The following RASGRP1 variants were observed in gnomAD, a reference collection of about 807,000 sequenced individuals.
The protein encoded by RASGRP1 is RAS guanyl releasing protein 1.
Under a neutral mutation model 95.1 loss-of-function variants are expected in RASGRP1, and 37 were observed. The ratio of observed to expected loss-of-function variants is 0.39; its 90% CI spans 0.30 to 0.51. RASGRP1 has a LOEUF of 0.51. RASGRP1 is among the 20% of genes least tolerant of loss of function. The pLI is 0.80. For missense variants in RASGRP1, 711 were observed against 965.4 expected, an observed-to-expected ratio of 0.74 and a Z score of 3.49; for synonymous variants, 325 against 353.4, an observed-to-expected ratio of 0.92 and a Z score of 0.90.
At chr15:38,506,077 T>C (rs181059505) in intron 9 of RASGRP1, among the ~76,000 whole-genome samples, 157 bp from the exon 10 acceptor site, 45 of 152,302 alleles carry the variant, frequency 3.0e-4, no homozygotes, top group African/African-American at 9.6e-4. Flanking sequence ...ACACCTACTA[T>C]TGCAATAGGG....
intron 9 of RASGRP1, among the ~76,000 whole-genome samples, chr15:38,506,536 G>C (rs572262586): frequency 1.3e-5 from 2 of 151,350 alleles, no homozygotes; most frequent in Admixed American, 1.3e-4. Flanking sequence ...TCAGGAGGCT[G>C]AGGTGGGAGG....
intron 3 of RASGRP1, among the ~76,000 whole-genome samples, chr15:38,521,022 C>T (rs942557699): frequency 5.9e-5 from 9 of 152,142 alleles, no homozygotes; most frequent in Non-Finnish European, 4.4e-5. Context: ...AAAAACCCTA[C>T]ACATCAACAA....
Position 38,503,267 on chromosome 15 carries a change from C to A in RASGRP1, c.1428+5G>T. The A allele has an allele frequency of 6.3e-7, 1 of 1,598,472 alleles. No homozygotes were observed. The highest frequency in any genetic ancestry group is 8.6e-7 in the Non-Finnish European group (1 of 1,167,522). Reference sequence around the variant, plus strand: ...TTTTTGTGTGCTGAACACAGCTGTACTTACATCCACCATCCTCTGGACGTG... The same window carrying A: ...TTTTTGTGTGCTGAACACAGCTGTAATTACATCCACCATCCTCTGGACGTG... On this transcript the variant is annotated splice_donor_5th_base_variant and intron_variant, in intron 11 of 16. Coordinates refer to ENST00000310803, the MANE Select transcript of RASGRP1 (RefSeq NM_005739.4).
chr15:38,494,268 T>C, intron 16 of RASGRP1, 114 bp downstream of exon 16: 1 of 1,389,026 alleles, frequency 7.2e-7, no homozygotes, highest in Non-Finnish European at 9.9e-7. Flanking sequence ...TCCTTTTTTG[T>C]TTTAGACTGC....
chr15:38,556,183 G>A (rs2141193279), intron 2 of RASGRP1, among the ~76,000 whole-genome samples: 1 of 152,344 alleles, frequency 6.6e-6, no homozygotes, highest in East Asian at 1.9e-4. Context: ...ATAATATGCT[G>A]AGAATGTAAA....
At chr15:38,522,590 G>T (rs966633556) in intron 3 of RASGRP1, among the ~76,000 whole-genome samples, 1 of 152,110 alleles carries the variant, frequency 6.6e-6, no homozygotes. Flanking sequence ...AACATTAGAA[G>T]TATTTTTAAA....
chr15:38,555,291 A>G (rs1893509717), intron 2 of RASGRP1, among the ~76,000 whole-genome samples: 1 of 152,228 alleles, frequency 6.6e-6, no homozygotes, highest in African/African-American at 2.4e-5. Flanking sequence ...CATTAGTACA[A>G]TTCACACAAG....
At chr15:38,500,803 C>G (rs887919526) in intron 13 of RASGRP1, among the ~76,000 whole-genome samples, 1 of 152,164 alleles carries the variant, frequency 6.6e-6, no homozygotes, top group East Asian at 1.9e-4. Context: ...GGAAGAGGGG[C>G]ATAGCCAAGG....
chr15:38,493,828 A>C (rs1031220150), intron 16 of RASGRP1, among the ~76,000 whole-genome samples: 1 of 152,068 alleles, frequency 6.6e-6, no homozygotes, highest in Non-Finnish European at 1.5e-5. Flanking sequence ...GCCACAATAC[A>C]CTCACCTTTC....
Position 38,488,229 on chromosome 15 carries a change from CAG to C in RASGRP1, c.*2323_*2324del, listed in dbSNP as rs1186125490. ...CATTTCTATATTATACATTTTGAGA[CAG>C]AAATTCACAACGGTCAGTAAAAAGG... On this transcript the variant is annotated 3_prime_UTR_variant, in exon 17 of 17. Transcript: ENST00000310803. The C allele has an allele frequency of 2.6e-5, 4 of 151,842 alleles. No individual in the cohort carries two copies. Among genetic ancestry groups the C allele is most frequent in the Non-Finnish European group, 5.9e-5 (4 of 67,880 alleles). 9.4% of individuals were successfully genotyped at this position (151,842 alleles called of 1,614,324 possible).
intron 12 of RASGRP1, among the ~76,000 whole-genome samples, chr15:38,501,663 A>G (rs1891030349): frequency 6.6e-6 from 1 of 152,332 alleles, no homozygotes; most frequent in Non-Finnish European, 1.5e-5. Flanking sequence ...CACTAACCAT[A>G]TGATTAGTTT....
chr15:38,517,255 C>A (rs73384161), intron 5 of RASGRP1, among the ~76,000 whole-genome samples: 244 of 152,226 alleles, frequency 1.6e-3, no homozygotes, highest in African/African-American at 5.3e-3. Context: ...ATAATTCCTA[C>A]AGAATATAAT....
At chr15:38,512,699 CTAAT>C in intron 7 of RASGRP1, 80 bp downstream of exon 7, 6 of 1,537,132 alleles carry the variant, frequency 3.9e-6, no homozygotes, top group South Asian at 2.4e-5. Context: ...AAAAACAGCT[CTAAT>C]TAATAGACTA....
intron 9 of RASGRP1, 52 bp downstream of exon 9, chr15:38,507,674 G>T: frequency 6.6e-7 from 1 of 1,525,884 alleles, no homozygotes; most frequent in South Asian, 1.2e-5. Context: ...GTATAGAATG[G>T]CACCTGGCAC....
At chr15:38,526,152 T>A (rs1892211225) in intron 3 of RASGRP1, 147 bp downstream of exon 3, 5 of 653,910 alleles carry the variant, frequency 7.6e-6, no homozygotes, top group Non-Finnish European at 1.4e-5. Context: ...CCCCAACACA[T>A]GCACCCATAC....
At chr15:38,530,954 T>C (rs1276464137) in intron 2 of RASGRP1, among the ~76,000 whole-genome samples, 1 of 152,114 alleles carries the variant, frequency 6.6e-6, no homozygotes, top group Non-Finnish European at 1.5e-5. Flanking sequence ...GGAAATAGGA[T>C]TGGGCACAAC....
At chr15:38,529,502 T>C (rs932461754) in intron 2 of RASGRP1, among the ~76,000 whole-genome samples, 1 of 152,234 alleles carries the variant, frequency 6.6e-6, no homozygotes, top group Non-Finnish European at 1.5e-5. Context: ...TTAGTTTCAA[T>C]GTCACATCCT....
intron 2 of RASGRP1, among the ~76,000 whole-genome samples, chr15:38,547,317 T>TTGTG (rs755990669): frequency 1.5e-4 from 23 of 152,148 alleles, no homozygotes; most frequent in Non-Finnish European, 2.9e-4. Flanking sequence ...CTGGAAGCCC[T>TTGTG]TCACACCCCC....
chr15:38,564,454 G>C (rs1214682365), intron 1 of RASGRP1, 140 bp downstream of exon 1: 3 of 590,562 alleles, frequency 5.1e-6, no homozygotes, highest in Non-Finnish European at 6.7e-6. Flanking sequence ...TCCGCCCGTC[G>C]CGCTGGTGTC....
Sources: allele counts gnomAD v4.1 joint callset (sites outside exome capture counted in the v4.1 genomes callset), GRCh38; gene constraint gnomAD v4.1.1; transcripts MANE v1.5; gene names NCBI Gene and HGNC (gene_info 2026-07-23, HGNC 2026-07-21).